TMEM132C: variants seen among roughly 807,000 people sequenced by gnomAD.
TMEM132C encodes transmembrane protein 132C, also known as protein phosphatase 1, regulatory subunit 152.
A neutral mutation model predicts 61.4 loss-of-function variants in TMEM132C; 29 were observed. The ratio of observed to expected loss-of-function variants is 0.47; its 90% CI spans 0.35 to 0.64. The LOEUF (loss-of-function observed/expected upper bound fraction) is 0.64, where lower values mean the gene tolerates loss of function less well. Ranked by LOEUF, TMEM132C falls within the 30% of genes least tolerant of loss-of-function variation. TMEM132C has a pLI of 0.00. For missense variants in TMEM132C, 1,408 were observed against 1,476.9 expected (o/e 0.95, Z 0.76); for synonymous variants, 656 against 633.1 (o/e 1.04, Z -0.54).
chr12:128,537,442 T>C (rs10847641), intron 2 of TMEM132C, among the ~76,000 whole-genome samples: 84,509 of 152,032 alleles, frequency 0.56, 24,492 homozygotes, highest in Middle Eastern at 0.64. Context: ...GAACTCAGTT[T>C]TCAAGGTTTC....
rs117124493 is a variant in TMEM132C, at chr12:128,373,520, G to A, written c.86-41212G>A. On this transcript the variant is annotated intron_variant, in intron 1 of 8. Transcript: ENST00000435159. ...TGAATATTGGGTAAGAGCTAGTAAT[G>A]TTTGCCAAAGGAAAGGTGATGATTG... 3.9e-5 allele frequency among the ~76,000 whole-genome samples: 6 copies of A among 152,340 alleles called. No individual in the cohort carries two copies. The East Asian group carries it at 1.2e-3, about 29-fold the overall frequency.
intron 1 of TMEM132C, among the ~76,000 whole-genome samples, chr12:128,305,339 A>G (rs994760204): frequency 6.6e-6 from 1 of 152,086 alleles, no homozygotes; most frequent in African/African-American, 2.4e-5. Flanking sequence ...TTTATTTGTA[A>G]GGAGAAAGAG....
At chr12:128,464,302 C>G (rs1410039008) in intron 2 of TMEM132C, among the ~76,000 whole-genome samples, 1 of 152,156 alleles carries the variant, frequency 6.6e-6, no homozygotes, top group African/African-American at 2.4e-5. Context: ...TTGGACCTCC[C>G]TTTCTCCCCT....
In TMEM132C at chr12:128,705,566, C is replaced by A; in HGVS notation, c.2598C>A (p.Asn866Lys). The A allele has an allele frequency of 6.4e-7, 1 of 1,551,200 alleles. No individual in the cohort carries two copies. The highest frequency in any genetic ancestry group is 8.7e-7 in the Non-Finnish European group (1 of 1,147,000). The part of the protein sequence containing the change: ...ATTTARSLLD[N>K]KVVKNSRADG... ...CCACGGCCAGGTCCCTGCTGGACAA[C>A]AAAGTGGTGAAGAACAGTCGGGCAG... The change falls in exon 9 of 9, where the codon AAC becomes AAA. Residue 866 changes from asparagine to lysine, a missense_variant. Coordinates refer to ENST00000435159, the MANE Select transcript of TMEM132C (RefSeq NM_001136103.3).
At chr12:128,348,717 C>T (rs960318331) in intron 1 of TMEM132C, among the ~76,000 whole-genome samples, 1 of 152,204 alleles carries the variant, frequency 6.6e-6, no homozygotes, top group African/African-American at 2.4e-5. Context: ...ACCTGGTAAT[C>T]CTAGAGCTTT....
At chr12:128,557,078 CTCT>C (rs200230345) in intron 3 of TMEM132C, among the ~76,000 whole-genome samples, 1,657 of 152,224 alleles carry the variant, frequency 0.011, 33 homozygotes, top group African/African-American at 0.037. Context: ...TATTTTAGTC[CTCT>C]TCTTTATGGT....
chr12:128,514,409 T>C (rs565992378), intron 2 of TMEM132C, among the ~76,000 whole-genome samples: 3 of 152,192 alleles, frequency 2.0e-5, no homozygotes, highest in Admixed American at 6.5e-5. Flanking sequence ...AATTGAATCA[T>C]AGAGAGTGAG....
chr12:128,344,258 C>T (rs1465662874), intron 1 of TMEM132C, among the ~76,000 whole-genome samples: 1 of 152,058 alleles, frequency 6.6e-6, no homozygotes, highest in Non-Finnish European at 1.5e-5. Context: ...CCCGGGTTCA[C>T]GCCATTCTCC....
Position 128,415,650 on chromosome 12 carries a change from T to G in TMEM132C, c.974+30T>G. The G allele has an allele frequency of 6.7e-7, 1 of 1,486,672 alleles. No individual in the cohort carries two copies. The highest frequency in any genetic ancestry group is 1.4e-5 in the South Asian group (1 of 73,050). The allele number at this position is 1,486,672 out of a possible 1,614,324, so 92.1% of individuals were successfully genotyped here. A position where few individuals can be genotyped will look rare whatever the true frequency, so the allele number is the denominator to read the frequency against. On this transcript the variant is annotated intron_variant, in intron 2 of 8. Transcript: ENST00000435159. This position sits in a 1 kb window ranked among gnomAD's most constrained non-coding sequence, Gnocchi z 5.8. ...GTGCCCATGCTTGCCCCTGATCATCTTTGGCATGCCTGGTGTGAGACTGGG... is the reference window on the plus strand; with the variant it reads ...GTGCCCATGCTTGCCCCTGATCATCGTTGGCATGCCTGGTGTGAGACTGGG...
chr12:128,531,570 A>C (rs12815607), intron 2 of TMEM132C, among the ~76,000 whole-genome samples: 50,825 of 152,040 alleles, frequency 0.33, 9,297 homozygotes, highest in African/African-American at 0.47. Flanking sequence ...ACCACAGGTG[A>C]AGGCACATGC....
In TMEM132C at chr12:128,601,071, C is replaced by T. The variant is rs1372822172; in HGVS notation, c.1122-15081C>T. Among the ~76,000 whole-genome samples, 21 of 152,174 alleles carry T rather than the reference C, an allele frequency of 1.4e-4. 1 individual carries two copies. Among genetic ancestry groups the T allele is most frequent in the Admixed American group, 1.2e-3 (19 of 15,280 alleles). ...GCTTTGGAGCAAATCCAGTTTCTGT[C>T]GTCTGTGATATTTTGAAAATGCAAA... On this transcript the variant is annotated intron_variant, in intron 3 of 8. Transcript: ENST00000435159.
intron 8 of TMEM132C, among the ~76,000 whole-genome samples, chr12:128,701,926 G>A (rs982877192): frequency 7.2e-6 from 1 of 139,800 alleles, no homozygotes; most frequent in Non-Finnish European, 1.5e-5. Flanking sequence ...TTGAGACAGA[G>A]TCTTGCTCTG....
At chr12:128,687,388 A>G (rs1242676978) in intron 5 of TMEM132C, among the ~76,000 whole-genome samples, 1 of 152,152 alleles carries the variant, frequency 6.6e-6, no homozygotes, top group East Asian at 1.9e-4. Flanking sequence ...TCCCCTAGAT[A>G]CCGGTTGCAA....
chr12:128,611,647 A>T (rs1254414568), intron 3 of TMEM132C, among the ~76,000 whole-genome samples: 71 of 152,224 alleles, frequency 4.7e-4, no homozygotes, highest in Non-Finnish European at 1.6e-4. Context: ...GAATATGTAG[A>T]TACTGGAGGG....
At chr12:128,594,353 C>G (rs999078953) in intron 3 of TMEM132C, among the ~76,000 whole-genome samples, 1 of 151,742 alleles carries the variant, frequency 6.6e-6, no homozygotes, top group Non-Finnish European at 1.5e-5. Flanking sequence ...ACTCTCCCCC[C>G]ATCCCCTGCC....
At chr12:128,306,718 A>G (rs1871797124) in intron 1 of TMEM132C, among the ~76,000 whole-genome samples, 1 of 152,218 alleles carries the variant, frequency 6.6e-6, no homozygotes, top group Non-Finnish European at 1.5e-5. Flanking sequence ...GTCCACTTCC[A>G]CTGTAGCTCA....
At chr12:128,691,447 G>A (rs1238717611) in intron 5 of TMEM132C, among the ~76,000 whole-genome samples, 1 of 152,196 alleles carries the variant, frequency 6.6e-6, no homozygotes, top group African/African-American at 2.4e-5. Flanking sequence ...GCATCAGTGT[G>A]TGCTTCCATC....
At chr12:128,562,063 G>A (rs984359114) in intron 3 of TMEM132C, among the ~76,000 whole-genome samples, 2 of 152,040 alleles carry the variant, frequency 1.3e-5, no homozygotes, top group Admixed American at 1.3e-4. Context: ...GATCCAATGC[G>A]CGTCTACCTT....
chr12:128,409,150 G>C (rs970890878), intron 1 of TMEM132C, among the ~76,000 whole-genome samples: 2 of 152,210 alleles, frequency 1.3e-5, no homozygotes, highest in African/African-American at 4.8e-5. Flanking sequence ...TCATGAGTGT[G>C]TAGCAAGTTC....
Sources: gnomAD v4.1 joint callset for allele counts (sites outside exome capture counted in the v4.1 genomes callset) on GRCh38, gnomAD v4.1.1 for gene constraint, Gnocchi (gnomAD v3.1) non-coding constraint, MANE v1.5 for transcripts, NCBI Gene and HGNC (gene_info 2026-07-23, HGNC 2026-07-21) for gene names.